BEGAIN: variants seen among roughly 807,000 people sequenced by gnomAD.
The protein encoded by BEGAIN is brain enriched guanylate kinase associated.
A neutral mutation model predicts 35.8 loss-of-function variants in BEGAIN; 19 were observed. That is an observed-to-expected ratio of 0.53 (90% CI 0.37 to 0.78). The LOEUF is 0.78. Among genes scored for constraint, BEGAIN ranks in the 30% least tolerant of loss-of-function variants. The pLI, the probability that BEGAIN is intolerant of heterozygous loss-of-function variation, is 0.00. For missense variants in BEGAIN, 795 were observed against 853.6 expected (o/e 0.93, Z 0.85); for synonymous variants, 462 against 388.6 (o/e 1.19, Z -2.22).
rs763954358 is a variant in BEGAIN, at chr14:100,544,986, C to T, written c.300+14G>A. 1.9e-5 allele frequency: 30 copies of T among 1,609,966 alleles called. No individual in the cohort carries two copies. The highest frequency in any genetic ancestry group is 1.6e-4 in the South Asian group (15 of 91,068). The stretch of plus-strand genomic sequence containing the variant: ...GTGTGGGGTGGGGGAGTGGGCGCTG[C>T]GTGGCGGCCTCACCATGCGGTACAG... On this transcript the variant is annotated intron_variant, in intron 4 of 6. Coordinates refer to ENST00000554140, the MANE Select transcript of BEGAIN (RefSeq NM_001385089.1).
At position 100,568,147 on chromosome 14, in the gene BEGAIN, A is replaced by G; in HGVS notation, c.43-208T>C. Reference sequence around the variant, plus strand: ...CCGGGCCGCGGCCGAGTAACAGGTGAGCCCGCCCGGGCCGCCGCGCTCCCC... The same window carrying G: ...CCGGGCCGCGGCCGAGTAACAGGTGGGCCCGCCCGGGCCGCCGCGCTCCCC... On this transcript the variant is annotated intron_variant, in intron 1 of 6. Coordinates refer to ENST00000554140, the MANE Select transcript of BEGAIN (RefSeq NM_001385089.1). This position sits in a 1 kb window ranked among gnomAD's most constrained non-coding sequence, Gnocchi z 7.5. The G allele has an allele frequency of 1.0e-6, 1 of 963,790 alleles. No homozygotes were observed. The highest frequency in any genetic ancestry group is 1.2e-6 in the Non-Finnish European group (1 of 806,134). 59.7% of individuals were successfully genotyped at this position (963,790 alleles called of 1,614,324 possible).
Position 100,586,200 on chromosome 14 carries a change from C to T in BEGAIN, c.42+1049G>A, listed in dbSNP as rs1490191738. ...GGGAGTAGTGGGGGTCTCTGCTGCT[C>T]TTGGCAGGCAGAGGAACTAGGGTCC... On this transcript the variant is annotated intron_variant, in intron 1 of 6. Coordinates refer to ENST00000554140, the MANE Select transcript of BEGAIN (RefSeq NM_001385089.1). This position sits in a 1 kb window ranked among gnomAD's most constrained non-coding sequence, Gnocchi z 4.9. 2.0e-5 allele frequency among the ~76,000 whole-genome samples: 3 copies of T among 152,206 alleles called. No homozygotes were observed. Among genetic ancestry groups the T allele is most frequent in the South Asian group, 4.1e-4 (2 of 4,830 alleles).
In BEGAIN at chr14:100,568,940, G is replaced by A; in HGVS notation, c.43-1001C>T. On this transcript the variant is annotated intron_variant, in intron 1 of 6. Transcript: ENST00000554140. This position sits in a 1 kb window ranked among gnomAD's most constrained non-coding sequence, Gnocchi z 7.5. ...CTGCCCATCCCGGCCCCTCGCGCCG[G>A]GCGCCGCCGCCGCGTCCGCCGGGAG... The A allele has an allele frequency of 2.0e-6, 2 of 983,482 alleles. No homozygotes were observed. The highest frequency in any genetic ancestry group is 2.4e-6 in the Non-Finnish European group (2 of 829,362). The allele number at this position is 983,482 out of a possible 1,614,324, so 60.9% of individuals were successfully genotyped here. A position where few individuals can be genotyped will look rare whatever the true frequency, so the allele number is the denominator to read the frequency against.
chr14:100,559,173 C>A (rs2034020132), intron 2 of BEGAIN, among the ~76,000 whole-genome samples: 1 of 152,120 alleles, frequency 6.6e-6, no homozygotes, highest in South Asian at 2.1e-4. Flanking sequence ...CTCAGTGGGG[C>A]TGTCTCCGAG....
chr14:100,559,347 G>A (rs756112498), intron 2 of BEGAIN, among the ~76,000 whole-genome samples: 9 of 152,194 alleles, frequency 5.9e-5, no homozygotes, highest in South Asian at 2.1e-4. Flanking sequence ...CCTTGGCCCC[G>A]GATCCCCTGC....
At position 100,540,598 on chromosome 14, in the gene BEGAIN, C is replaced by T. The variant is rs1341622376; in HGVS notation, c.409-19G>A. On this transcript the variant is annotated intron_variant, in intron 5 of 6. Transcript: ENST00000554140. Reference sequence around the variant, plus strand: ...AGAGCTCCTAAAAGACAAGAGAAGGCGTTTGGCGCCATTCACCCCAGCCAA... The same window carrying T: ...AGAGCTCCTAAAAGACAAGAGAAGGTGTTTGGCGCCATTCACCCCAGCCAA... 5 of 1,573,710 alleles carry T rather than the reference C, an allele frequency of 3.2e-6. No homozygotes were observed. Among genetic ancestry groups the T allele is most frequent in the East Asian group, 2.3e-5 (1 of 43,232 alleles).
Position 100,568,889 on chromosome 14 carries a change from C to T in BEGAIN, c.43-950G>A. The T allele has an allele frequency of 1.0e-6, 1 of 985,232 alleles. No homozygotes were observed. The highest frequency in any genetic ancestry group is 1.2e-6 in the Non-Finnish European group (1 of 830,142). The allele number at this position is 985,232 out of a possible 1,614,324, so 61.0% of individuals were successfully genotyped here. On this transcript the variant is annotated intron_variant, in intron 1 of 6. Coordinates refer to ENST00000554140, the MANE Select transcript of BEGAIN (RefSeq NM_001385089.1). The surrounding 1 kb of genome is among the most constrained non-coding windows in gnomAD (Gnocchi z 7.5). ...GACAGGGGTCCGAGCTCAGGGACCA[C>T]GCGACAGACCTGGGAAGACTGATGA...
At position 100,538,774 on chromosome 14, in the gene BEGAIN, T is replaced by A; in HGVS notation, c.1034A>T (p.Tyr345Phe). Reference sequence around the variant, plus strand: ...GAAGAGCTCGTCGCGGCTGTTCAGGTAGATGGCCTGCTGCGACGCGGTCAG... The same window carrying A: ...GAAGAGCTCGTCGCGGCTGTTCAGGAAGATGGCCTGCTGCGACGCGGTCAG... ...STLTASQQAI[Y>F]LNSRDELFDR... The change falls in exon 7 of 7, where the codon TAC becomes TTC. Residue 345 changes from tyrosine to phenylalanine, a missense_variant. Coordinates refer to ENST00000554140, the MANE Select transcript of BEGAIN (RefSeq NM_001385089.1). 6.3e-7 allele frequency: 1 copy of A among 1,589,332 alleles called. No homozygotes were observed. Among genetic ancestry groups the A allele is most frequent in the Non-Finnish European group, 8.6e-7 (1 of 1,169,454 alleles).
In BEGAIN at chr14:100,586,487, G is replaced by A. The variant is rs769064074; in HGVS notation, c.42+762C>T. The stretch of plus-strand genomic sequence containing the variant: ...GTCGCCCACGCTGTTCCTGCCCTGA[G>A]GAAACCACATTGGGGATGGGGTGGG... On this transcript the variant is annotated intron_variant, in intron 1 of 6. Coordinates refer to ENST00000554140, the MANE Select transcript of BEGAIN (RefSeq NM_001385089.1). The surrounding 1 kb of genome is among the most constrained non-coding windows in gnomAD (Gnocchi z 4.9). Among the ~76,000 whole-genome samples the A allele has an allele frequency of 6.6e-6, 1 of 152,160 alleles. No individual in the cohort carries two copies. Among genetic ancestry groups the A allele is most frequent in the African/African-American group, 2.4e-5 (1 of 41,442 alleles).
rs763560535 is a variant in BEGAIN at position 100,538,454 on chromosome 14, C to A, written c.1354G>T (p.Val452Leu). The A allele has an allele frequency of 3.8e-6, 6 of 1,589,252 alleles. No individual in the cohort carries two copies. Among genetic ancestry groups the A allele is most frequent in the South Asian group, 3.4e-5 (3 of 88,248 alleles). Residue 452 changes from valine to leucine, a missense_variant, in exon 7 of 7, where the codon GTG becomes TTG. Physicochemically the swap from Val to Leu is conservative, Grantham distance 32. Coordinates refer to ENST00000554140, the MANE Select transcript of BEGAIN (RefSeq NM_001385089.1). ...VEDIGAYSYP[V>L]SAAGRASPCS... The stretch of plus-strand genomic sequence containing the variant: ...GGTGAGGCGCGGCCGGCAGCGCTCA[C>A]GGGGTAGGAGTAGGCGCCGATGTCC...
In BEGAIN at chr14:100,537,788, T is replaced by G; in HGVS notation, c.*181A>C. 8 of 915,100 alleles carry G rather than the reference T, an allele frequency of 8.7e-6. No individual in the cohort carries two copies. Among genetic ancestry groups the G allele is most frequent in the African/African-American group, 1.8e-5 (1 of 56,446 alleles). The allele number at this position is 915,100 out of a possible 1,614,324, so 56.7% of individuals were successfully genotyped here. A position where few individuals can be genotyped will look rare whatever the true frequency, so the allele number is the denominator to read the frequency against. On this transcript the variant is annotated 3_prime_UTR_variant, in exon 7 of 7. Coordinates refer to ENST00000554140, the MANE Select transcript of BEGAIN (RefSeq NM_001385089.1). ...GGCCGGGGCCGGGTGGACACCGTGG[T>G]GTGGGGGACCCTCCCCTCAGGCCTA...
chr14:100,568,961 G>C lies in BEGAIN; in HGVS notation c.43-1022C>G, dbSNP rs948621236. Reference sequence around the variant, plus strand: ...GCCGGGCGCCGCCGCCGCGTCCGCCGGGAGCGCGCTCCGCTCGGGTCCGGG... The same window carrying C: ...GCCGGGCGCCGCCGCCGCGTCCGCCCGGAGCGCGCTCCGCTCGGGTCCGGG... On this transcript the variant is annotated intron_variant, in intron 1 of 6. Transcript: ENST00000554140. The surrounding 1 kb of genome is among the most constrained non-coding windows in gnomAD (Gnocchi z 7.5). The C allele has an allele frequency of 2.9e-4, 284 of 983,238 alleles. No individual in the cohort carries two copies. The highest frequency in any genetic ancestry group is 3.2e-4 in the Non-Finnish European group (269 of 829,284). 60.9% of individuals were successfully genotyped at this position (983,238 alleles called of 1,614,324 possible). A position where few individuals can be genotyped will look rare whatever the true frequency, so the allele number is the denominator to read the frequency against.
intron 2 of BEGAIN, chr14:100,549,348 C>T (rs542453015): frequency 1.3e-5 from 2 of 152,702 alleles, no homozygotes; most frequent in African/African-American, 4.8e-5. Flanking sequence ...CTATGGCCCT[C>T]AGGCATCTCC....
At chr14:100,560,141 G>A (rs756699277) in intron 2 of BEGAIN, among the ~76,000 whole-genome samples, 105 of 152,222 alleles carry the variant, frequency 6.9e-4, no homozygotes, top group Non-Finnish European at 2.4e-4. Flanking sequence ...CTCTGCCACA[G>A]GCCACTGGGG....
chr14:100,568,279 A>C lies in BEGAIN; in HGVS notation c.43-340T>G. On this transcript the variant is annotated intron_variant, in intron 1 of 6. Transcript: ENST00000554140. This position sits in a 1 kb window ranked among gnomAD's most constrained non-coding sequence, Gnocchi z 7.5. ...GAGGGGGACTCGGCCTGTCCCCGTTAACTCTCCGGCGGCCGCGGCCCCGCT... is the reference window on the plus strand; with the variant it reads ...GAGGGGGACTCGGCCTGTCCCCGTTCACTCTCCGGCGGCCGCGGCCCCGCT... The C allele has an allele frequency of 1.5e-6, 1 of 683,682 alleles. No individual in the cohort carries two copies. The highest frequency in any genetic ancestry group is 2.1e-6 in the Non-Finnish European group (1 of 467,952). The allele number at this position is 683,682 out of a possible 1,614,324, so 42.4% of individuals were successfully genotyped here. A position where few individuals can be genotyped will look rare whatever the true frequency, so the allele number is the denominator to read the frequency against.
chr14:100,577,576 G>A (rs772236789), intron 1 of BEGAIN: 88 of 398,986 alleles, frequency 2.2e-4, no homozygotes, highest in Non-Finnish European at 3.6e-4. Flanking sequence ...GGCCTCCAGG[G>A]TCCCAGGGTC....
intron 2 of BEGAIN, among the ~76,000 whole-genome samples, chr14:100,552,809 C>T (rs911367442): frequency 2.6e-5 from 4 of 152,244 alleles, no homozygotes; most frequent in African/African-American, 7.2e-5. Flanking sequence ...CATGGAACCA[C>T]GTTCCTGCTC....
intron 1 of BEGAIN, among the ~76,000 whole-genome samples, chr14:100,575,416 A>G (rs1349359708): frequency 6.6e-6 from 1 of 152,116 alleles, no homozygotes; most frequent in African/African-American, 2.4e-5. Context: ...GTCCTTCCCC[A>G]GTTATCTCTA....
intron 2 of BEGAIN, 113 bp from the exon 3 acceptor site, chr14:100,546,775 C>G: frequency 1.4e-6 from 1 of 717,934 alleles, no homozygotes. Context: ...CGCGCGCGCG[C>G]GCGCGCACAC....
Sources: allele counts gnomAD v4.1 joint callset (sites outside exome capture counted in the v4.1 genomes callset), GRCh38; gene constraint gnomAD v4.1.1; non-coding constraint Gnocchi (gnomAD v3.1); transcripts MANE v1.5; gene names NCBI Gene and HGNC (gene_info 2026-07-23, HGNC 2026-07-21).